Variants in TREM1 observed in about 807,000 individuals in gnomAD.
TREM1 encodes the protein triggering receptor expressed on monocytes 1.
A neutral mutation model predicts 22.4 loss-of-function variants in TREM1; 16 were observed. That is an observed-to-expected ratio of 0.71 (90% CI 0.48 to 1.08). The LOEUF (loss-of-function observed/expected upper bound fraction) is 1.08, where lower values mean the gene tolerates loss of function less well. TREM1 is among the 50% of genes least tolerant of loss of function. The pLI is 0.00. For synonymous variants in TREM1, 110 were observed against 111.6 expected (o/e 0.99, Z 0.09); for missense variants, 283 against 282.9 (o/e 1.00, Z 0.00).
chr6:41,267,840 G>A, downstream of TREM1: 6 of 397,422 alleles, frequency 1.5e-5, no homozygotes, highest in Admixed American at 1.3e-4. Context: ...GTTACATGAA[G>A]ATCTTTTGTG....
Position 41,282,730 on chromosome 6 carries a change from A to T in TREM1, c.71T>A (p.Leu24Ter). The T allele has an allele frequency of 6.2e-7, 1 of 1,613,270 alleles. No homozygotes were observed. The highest frequency in any genetic ancestry group is 2.2e-5 in the East Asian group (1 of 44,860). Residue 24 changes from leucine to a stop codon, truncating the protein, a stop_gained, in exon 2 of 4, where the codon TTA (leucine) becomes TAA (stop). Transcript: ENST00000244709. LOFTEE classifies it high-confidence loss of function. ...TTTCAGTTCATACTTTTCCTCAGTT[A>T]ATTTAGTTGCAGCTCGGAGTTCTAT... is the stretch of plus-strand genomic sequence containing the variant. ...FVSELRAATK[L>*]TEEKYELKEG...
At chr6:41,272,185 T>G (rs939844614), downstream of TREM1, among the ~76,000 whole-genome samples, 1 of 152,146 alleles carries the variant, frequency 6.6e-6, no homozygotes, top group Non-Finnish European at 1.5e-5. Flanking sequence ...CTGGCCACCC[T>G]TGTGACAGCT....
At chr6:41,267,633 C>A (rs756006981), downstream of TREM1, among the ~76,000 whole-genome samples, 1 of 151,986 alleles carries the variant, frequency 6.6e-6, no homozygotes, top group Non-Finnish European at 1.5e-5. Context: ...TAGTTCATGG[C>A]TATAATCTTA....
At chr6:41,281,446 T>C in intron 2 of TREM1, 1 of 384,328 alleles carries the variant, frequency 2.6e-6, no homozygotes, top group East Asian at 4.7e-5. Flanking sequence ...AAGAAAGGAA[T>C]TTTTTGTCAT....
Position 41,276,215 on chromosome 6 carries a change from G to A in TREM1, c.615C>T (p.Asn205=). Reference sequence around the variant, plus strand: ...ATCCACCAGCCAGGAGAATGACAATGTTGAACACCGGAACCCTGCGGGAGA... The same window carrying A: ...ATCCACCAGCCAGGAGAATGACAATATTGAACACCGGAACCCTGCGGGAGA... ...VTDIIRVPVF[N]IVILLAGGFL... Residue 205 remains asparagine (N), a synonymous_variant, in exon 4 of 4, where the codon AAC becomes AAT. Coordinates refer to ENST00000244709, the MANE Select transcript of TREM1 (RefSeq NM_018643.5). 1 of 1,614,082 alleles carries A rather than the reference G, an allele frequency of 6.2e-7. No homozygotes were observed.
At chr6:41,270,433 TATG>T (rs1473172025), downstream of TREM1, among the ~76,000 whole-genome samples, 1 of 121,692 alleles carries the variant, frequency 8.2e-6, no homozygotes, top group African/African-American at 3.7e-5. Flanking sequence ...TGCACATATA[TATG>T]ATATTATATA....
chr6:41,269,872 C>G (rs1340460791), downstream of TREM1: 1 of 152,326 alleles, frequency 6.6e-6, no homozygotes, highest in Non-Finnish European at 1.5e-5. Context: ...CAGCTGCTCA[C>G]CTTTGCACCA....
chr6:41,279,197 A>G (rs1005658070), intron 3 of TREM1, among the ~76,000 whole-genome samples: 3 of 152,206 alleles, frequency 2.0e-5, no homozygotes, highest in African/African-American at 7.2e-5. Flanking sequence ...AGTTAGCCAC[A>G]AACCAAATGC....
At chr6:41,280,199 A>C (rs551089173) in intron 3 of TREM1, 19 of 966,616 alleles carry the variant, frequency 2.0e-5, no homozygotes, top group Non-Finnish European at 2.3e-5. Context: ...GTGATGTGGA[A>C]AAGTATTTCC....
intron 3 of TREM1, among the ~76,000 whole-genome samples, chr6:41,268,478 A>C (rs1767394268): frequency 6.6e-6 from 1 of 152,228 alleles, no homozygotes; most frequent in African/African-American, 2.4e-5. Context: ...TTCATACCAG[A>C]AGGACCAAGC....
chr6:41,269,762 A>G (rs1314368703), downstream of TREM1: 1 of 152,152 alleles, frequency 6.6e-6, no homozygotes, highest in Non-Finnish European at 1.5e-5. Flanking sequence ...AACTTTTCCC[A>G]TTGCTCTGTG....
In TREM1 at chr6:41,273,880, C is replaced by T. The variant is rs1385028592; in HGVS notation, c.*2245G>A. On this transcript the variant is annotated 3_prime_UTR_variant, in exon 4 of 4. Transcript: ENST00000244709. ...AACCCTGATCTGACTGTCTCCCCACCCTCGGCTCTCCTCTCATGCTTCCCA... is the reference window on the plus strand; with the variant it reads ...AACCCTGATCTGACTGTCTCCCCACTCTCGGCTCTCCTCTCATGCTTCCCA... 6.6e-6 allele frequency among the ~76,000 whole-genome samples: 1 copy of T among 152,174 alleles called. No individual in the cohort carries two copies. The highest frequency in any genetic ancestry group is 1.5e-5 in the Non-Finnish European group (1 of 68,020).
At chr6:41,273,216 G>A (rs1253135691), downstream of TREM1, among the ~76,000 whole-genome samples, 1 of 152,196 alleles carries the variant, frequency 6.6e-6, no homozygotes, top group East Asian at 1.9e-4. Context: ...GGCATTGATG[G>A]CAACATGTCC....
At chr6:41,270,420 GTT>G (rs1165994951), downstream of TREM1, among the ~76,000 whole-genome samples, 9 of 139,864 alleles carry the variant, frequency 6.4e-5, no homozygotes, top group Middle Eastern at 3.5e-3. Context: ...ATATGTGTCT[GTT>G]TGCACATATA....
chr6:41,273,414 A>G (rs1239006145), downstream of TREM1, among the ~76,000 whole-genome samples: 1 of 152,218 alleles, frequency 6.6e-6, no homozygotes, highest in East Asian at 1.9e-4. Context: ...GTTAGGCACT[A>G]TCATGCCCAT....
chr6:41,283,508 G>C (rs1386878626), intron 1 of TREM1, among the ~76,000 whole-genome samples: 1 of 152,064 alleles, frequency 6.6e-6, no homozygotes. Context: ...TCGGGAGTTC[G>C]AGACCAGCCT....
downstream of TREM1, among the ~76,000 whole-genome samples, chr6:41,272,424 G>T (rs1175164962): frequency 6.6e-6 from 1 of 152,120 alleles, no homozygotes; most frequent in Non-Finnish European, 1.5e-5. Context: ...ATCCCCCAAG[G>T]CCGGGTTCAA....
chr6:41,282,204 A>G lies in TREM1; in HGVS notation c.406+191T>C, dbSNP rs934813251. On this transcript the variant is annotated intron_variant, in intron 2 of 3. Transcript: ENST00000244709. ...AATTCCTACCACAGCACCCAAAATTAGGCTGTGCTATCCAAGGAGAATCTC... is the reference window on the plus strand; with the variant it reads ...AATTCCTACCACAGCACCCAAAATTGGGCTGTGCTATCCAAGGAGAATCTC... 11 of 554,728 alleles carry G rather than the reference A, an allele frequency of 2.0e-5. No homozygotes were observed. In the African/African-American group the frequency reaches 2.1e-4, roughly 10 times the overall value. 34.4% of individuals were successfully genotyped at this position (554,728 alleles called of 1,614,324 possible).
chr6:41,284,606 A>G (rs1340951912), intron 1 of TREM1, among the ~76,000 whole-genome samples: 2 of 152,186 alleles, frequency 1.3e-5, no homozygotes, highest in African/African-American at 4.8e-5. Flanking sequence ...CAGGCTAGAC[A>G]GTGCTGCTGG....
Sources: gnomAD v4.1 joint callset for allele counts (sites outside exome capture counted in the v4.1 genomes callset) on GRCh38, gnomAD v4.1.1 for gene constraint, MANE v1.5 for transcripts, NCBI Gene and HGNC (gene_info 2026-07-23, HGNC 2026-07-21) for gene names.